Variants in ROBO2 observed in about 807,000 individuals in gnomAD.
The protein encoded by ROBO2 is roundabout homolog 2.
ROBO2 carries 53 observed loss-of-function variants against 160.8 expected under a neutral mutation model. The observed-to-expected ratio is 0.33, with a 90% CI of 0.26 to 0.41. The LOEUF is 0.41. ROBO2 is among the 10% of genes least tolerant of loss of function. The probability of loss-of-function intolerance (pLI) is 1.00; values close to 1 mark genes in which losing one functional copy is unlikely to be tolerated. For missense variants in ROBO2, 1,577 were observed against 1,722.4 expected, an observed-to-expected ratio of 0.92 and a Z score of 1.49; for synonymous variants, 664 against 611.7, an observed-to-expected ratio of 1.09 and a Z score of -1.26.
chr3:76,738,063 G>T (rs1429028725), intron 2 of ROBO2, among the ~76,000 whole-genome samples: 1 of 152,086 alleles, frequency 6.6e-6, no homozygotes, highest in Non-Finnish European at 1.5e-5. Context: ...CAGCCCAGGA[G>T]GTCGAGGCTG....
At chr3:76,056,430 GT>G in intron 2 of ROBO2, among the ~76,000 whole-genome samples, 1 of 151,654 alleles carries the variant, frequency 6.6e-6, no homozygotes, top group East Asian at 1.9e-4. Context: ...AAAATGGTGC[GT>G]TTTTAAAAGG....
At chr3:77,556,355 G>T (rs2153657482) in intron 8 of ROBO2, among the ~76,000 whole-genome samples, 1 of 151,898 alleles carries the variant, frequency 6.6e-6, no homozygotes, top group South Asian at 2.1e-4. Context: ...TGAAATAAAT[G>T]ATTCTAATTT....
intron 2 of ROBO2, among the ~76,000 whole-genome samples, chr3:76,913,763 A>G (rs1170307472): frequency 6.6e-6 from 1 of 152,216 alleles, no homozygotes; most frequent in African/African-American, 2.4e-5. Context: ...AGTAACTGTG[A>G]ATAATACTCC....
At chr3:77,404,479 G>T (rs1012824919) in intron 2 of ROBO2, among the ~76,000 whole-genome samples, 1 of 152,112 alleles carries the variant, frequency 6.6e-6, no homozygotes, top group Non-Finnish European at 1.5e-5. Flanking sequence ...GATCATAAAG[G>T]TCAGCAGTAT....
intron 2 of ROBO2, among the ~76,000 whole-genome samples, chr3:76,105,458 T>C (rs2069882169): frequency 6.6e-6 from 1 of 152,186 alleles, no homozygotes; most frequent in African/African-American, 2.4e-5. Context: ...AGCATATCCA[T>C]GCTTTTACTA....
At chr3:76,297,324 A>G (rs1443310222) in intron 2 of ROBO2, among the ~76,000 whole-genome samples, 1 of 152,212 alleles carries the variant, frequency 6.6e-6, no homozygotes, top group African/African-American at 2.4e-5. Flanking sequence ...AGAAGCTGCC[A>G]ATCTTACATT....
At chr3:77,334,332 G>A (rs1360328381) in intron 2 of ROBO2, among the ~76,000 whole-genome samples, 1 of 152,190 alleles carries the variant, frequency 6.6e-6, no homozygotes, top group Non-Finnish European at 1.5e-5. Flanking sequence ...ATCATCTTCA[G>A]TGACATCTTC....
intron 2 of ROBO2, among the ~76,000 whole-genome samples, chr3:76,732,026 C>G (rs532476350): frequency 2.0e-5 from 3 of 151,934 alleles, no homozygotes; most frequent in African/African-American, 4.8e-5. Context: ...GCCCAGACTG[C>G]CAGTTATTTC....
chr3:76,277,117 A>C (rs1253403109), intron 2 of ROBO2, among the ~76,000 whole-genome samples: 1 of 152,078 alleles, frequency 6.6e-6, no homozygotes. Flanking sequence ...GTTGTTTGCC[A>C]TCATAAGCAT....
At chr3:77,143,270 C>G (rs1324013325) in intron 2 of ROBO2, among the ~76,000 whole-genome samples, 1 of 142,336 alleles carries the variant, frequency 7.0e-6, no homozygotes, top group Non-Finnish European at 1.5e-5. Flanking sequence ...TCTTGGCTCG[C>G]TGCAACCTCT....
chr3:77,538,170 CTTTTTTTTTTT>C (rs59409802), intron 6 of ROBO2, among the ~76,000 whole-genome samples: 29 of 102,492 alleles, frequency 2.8e-4, no homozygotes, highest in East Asian at 1.9e-3. Flanking sequence ...TGATCATTTA[CTTTTTTTTTTT>C]TTTTTTTTTT....
In ROBO2 at chr3:77,475,068, T is replaced by TGAGAGAGA. The variant is rs71104689; in HGVS notation, c.389-2337_389-2330dup. Reference sequence around the variant, plus strand: ...CCTGCTGAAAAGCATGTTTTTCAACTGAGAGAGAGAGAGAGAAGAAACATA... The same window carrying TGAGAGAGA: ...CCTGCTGAAAAGCATGTTTTTCAACTGAGAGAGAGAGAGAGAGAGAGAGAAGAAACATA... On this transcript the variant is annotated intron_variant, in intron 2 of 25. Transcript: ENST00000461745. Among the ~76,000 whole-genome samples, 49 of 150,536 alleles carry TGAGAGAGA rather than the reference T, an allele frequency of 3.3e-4. 1 individual carries two copies. Among genetic ancestry groups the TGAGAGAGA allele is most frequent in the Admixed American group, 5.3e-4 (8 of 15,136 alleles).
chr3:77,218,662 G>A (rs1381610837), intron 2 of ROBO2, among the ~76,000 whole-genome samples: 3 of 152,242 alleles, frequency 2.0e-5, no homozygotes, highest in Admixed American at 6.5e-5. Flanking sequence ...GTGAGCTACC[G>A]TGCCCGGCCT....
chr3:76,751,761 A>T (rs552726711), intron 2 of ROBO2, among the ~76,000 whole-genome samples: 3 of 152,248 alleles, frequency 2.0e-5, no homozygotes, highest in East Asian at 1.9e-4. Context: ...CACACCAGTT[A>T]GAATGGCGAT....
chr3:77,118,124 A>G (rs190667134), intron 2 of ROBO2, among the ~76,000 whole-genome samples: 18 of 152,308 alleles, frequency 1.2e-4, no homozygotes, highest in African/African-American at 4.3e-4. Flanking sequence ...ATTGTCAAAG[A>G]CTTCCTGATT....
intron 2 of ROBO2, among the ~76,000 whole-genome samples, chr3:77,316,512 G>A (rs2064004336): frequency 6.6e-6 from 1 of 151,988 alleles, no homozygotes; most frequent in Admixed American, 6.6e-5. Context: ...AAGAAACTTG[G>A]CATCTCACAG....
At chr3:76,972,365 T>G (rs2059613386) in intron 2 of ROBO2, among the ~76,000 whole-genome samples, 1 of 152,098 alleles carries the variant, frequency 6.6e-6, no homozygotes, top group South Asian at 2.1e-4. Flanking sequence ...TTTTTTTAAT[T>G]TCTTCAATAA....
intron 2 of ROBO2, among the ~76,000 whole-genome samples, chr3:76,848,723 G>A (rs2069024534): frequency 6.6e-6 from 1 of 152,096 alleles, no homozygotes; most frequent in Non-Finnish European, 1.5e-5. Flanking sequence ...AGTCTCTAAG[G>A]CCTTTTTATA....
At chr3:76,056,426 G>C (rs903715417) in intron 2 of ROBO2, among the ~76,000 whole-genome samples, 2 of 151,826 alleles carry the variant, frequency 1.3e-5, no homozygotes, top group Non-Finnish European at 2.9e-5. Context: ...TTAAAAAATG[G>C]TGCGTTTTTA....
Sources: gnomAD v4.1 joint callset for allele counts (sites outside exome capture counted in the v4.1 genomes callset) on GRCh38, gnomAD v4.1.1 for gene constraint, MANE v1.5 for transcripts, NCBI Gene and HGNC (gene_info 2026-07-23, HGNC 2026-07-21) for gene names.